The following IFNA2 variants were observed in gnomAD, a reference collection of about 807,000 sequenced individuals.
IFNA2 encodes the protein interferon alpha 2, also known as interferon alpha-2.
For synonymous variants in IFNA2, 91 were observed against 80.7 expected (o/e 1.13, Z -0.68); for missense variants, 260 against 210.3 (o/e 1.24, Z -1.46).
In IFNA2 at chr9:21,385,299, G is replaced by A. The variant is rs1288019328; in HGVS notation, c.31C>T (p.Leu11Phe). Reference sequence around the variant, plus strand: ...CTTGACTTGCAGCTGAGCACCAGGAGGGCCACCAGTAAAGCAAAGGTCAAG... The same window carrying A: ...CTTGACTTGCAGCTGAGCACCAGGAAGGCCACCAGTAAAGCAAAGGTCAAG... MALTFALLVA[L>F]LVLSCKSSCS... Residue 11 changes from leucine to phenylalanine, a missense_variant, in exon 1 of 1, where the codon CTC (leucine) becomes TTC (phenylalanine). Physicochemically the swap from Leu to Phe is conservative, Grantham distance 22. Coordinates refer to ENST00000380206, the MANE Select transcript of IFNA2 (RefSeq NM_000605.4). 1.2e-6 allele frequency: 2 copies of A among 1,613,166 alleles called. No homozygotes were observed. Among genetic ancestry groups the A allele is most frequent in the Non-Finnish European group, 1.7e-6 (2 of 1,179,586 alleles).
At position 21,384,901 on chromosome 9, in the gene IFNA2, C is replaced by T. The variant is rs781305538; in HGVS notation, c.429G>A (p.Arg143=). 18 of 1,614,024 alleles carry T rather than the reference C, an allele frequency of 1.1e-5. No homozygotes were observed. Among genetic ancestry groups the T allele is most frequent in the Non-Finnish European group, 1.5e-5 (18 of 1,179,942 alleles). Reference sequence around the variant, plus strand: ...AGAGAGTGATTCTTTGGAAGTATTTCCTCACAGCCAGAATGGAGTCCTCCT... The same window carrying T: ...AGAGAGTGATTCTTTGGAAGTATTTTCTCACAGCCAGAATGGAGTCCTCCT... ...LMKEDSILAV[R]KYFQRITLYL... is the part of the protein sequence containing the mutation. Residue 143 remains arginine (R), a synonymous_variant, in exon 1 of 1, where the codon AGG becomes AGA. Transcript: ENST00000380206.
Position 21,385,268 on chromosome 9 carries a change from G to C in IFNA2, c.62C>G (p.Ser21Cys), listed in dbSNP as rs367998127. 6.2e-7 allele frequency: 1 copy of C among 1,613,820 alleles called. No individual in the cohort carries two copies. The highest frequency in any genetic ancestry group is 1.3e-5 in the African/African-American group (1 of 74,978). Reference protein sequence around the residue: ...LLVLSCKSSCSVGCDLPQTHS... With the variant: ...LLVLSCKSSCCVGCDLPQTHS... ...GGTTTGAGGCAGATCACAGCCCACAGAGCAGCTTGACTTGCAGCTGAGCAC... is the reference window on the plus strand; with the variant it reads ...GGTTTGAGGCAGATCACAGCCCACACAGCAGCTTGACTTGCAGCTGAGCAC... The change falls in exon 1 of 1, where the codon TCT becomes TGT. Residue 21 changes from serine to cysteine, a missense_variant. Coordinates refer to ENST00000380206, the MANE Select transcript of IFNA2 (RefSeq NM_000605.4).
Position 21,384,639 on chromosome 9 carries a change from A to G in IFNA2, c.*124T>C. The G allele has an allele frequency of 1.9e-6, 2 of 1,055,282 alleles. No homozygotes were observed. The allele number at this position is 1,055,282 out of a possible 1,614,324, so 65.4% of individuals were successfully genotyped here. A position where few individuals can be genotyped will look rare whatever the true frequency, so the allele number is the denominator to read the frequency against. ...ACAATGTTGATTAATACTCCTAAAA[A>G]CATTTGAAAAGATTTAAATCGTGTC... On this transcript the variant is annotated 3_prime_UTR_variant, in exon 1 of 1. Coordinates refer to ENST00000380206, the MANE Select transcript of IFNA2 (RefSeq NM_000605.4).
At chr9:21,385,398 TG>T, upstream of IFNA2, 1 of 1,285,040 alleles carries the variant, frequency 7.8e-7, no homozygotes, top group Non-Finnish European at 1.1e-6. Flanking sequence ...CCAGGTTCTC[TG>T]AAGACCTTGC....
rs761899979 is a variant in IFNA2 at position 21,384,994 on chromosome 9, G to A, written c.336C>T (p.Tyr112=). 1.9e-6 allele frequency: 3 copies of A among 1,613,890 alleles called. No individual in the cohort carries two copies. In the South Asian group the frequency reaches 3.3e-5, roughly 18 times the overall value. Residue 112 remains tyrosine, a synonymous_variant, in exon 1 of 1, where the codon TAC becomes TAT. Transcript: ENST00000380206. Reference sequence around the variant, plus strand: ...AGGCTTCCAGGTCATTCAGCTGCTGGTAGAGTTCAGTGTAGAATTTGTCTA... The same window carrying A: ...AGGCTTCCAGGTCATTCAGCTGCTGATAGAGTTCAGTGTAGAATTTGTCTA... ...TLLDKFYTEL[Y]QQLNDLEACV... is the part of the protein sequence containing the mutation.
the IFNA2 span, chr9:21,384,874 A>T: frequency 1.2e-6 from 2 of 1,614,118 alleles, no homozygotes; most frequent in Non-Finnish European, 1.7e-6. Context: ...TCTCTTTCAG[A>T]TAGAGAGTGA....
In IFNA2 at chr9:21,384,557, G is replaced by T; in HGVS notation, c.*206C>A. ...ATAATATTTTAAAAATATTTAAATA[G>T]ATAATGGATCAGTCAGCATGGTCCT... On this transcript the variant is annotated 3_prime_UTR_variant, in exon 1 of 1. Coordinates refer to ENST00000380206, the MANE Select transcript of IFNA2 (RefSeq NM_000605.4). 4.6e-6 allele frequency: 1 copy of T among 218,836 alleles called. No homozygotes were observed. Among genetic ancestry groups the T allele is most frequent in the Non-Finnish European group, 8.8e-6 (1 of 113,342 alleles). The allele number at this position is 218,836 out of a possible 1,614,324, so 13.6% of individuals were successfully genotyped here.
At position 21,385,009 on chromosome 9, in the gene IFNA2, G is replaced by A; in HGVS notation, c.321C>T (p.Phe107=). The A allele has an allele frequency of 1.9e-6, 3 of 1,613,882 alleles. No individual in the cohort carries two copies. Among genetic ancestry groups the A allele is most frequent in the Non-Finnish European group, 2.5e-6 (3 of 1,179,918 alleles). ...TCAGCTGCTGGTAGAGTTCAGTGTA[G>A]AATTTGTCTAGGAGGGTCTCATCCC... ...AAWDETLLDK[F]YTELYQQLND... The change falls in exon 1 of 1, where the codon TTC becomes TTT. Residue 107 remains phenylalanine, a synonymous_variant. Transcript: ENST00000380206.
rs907702869 is a variant in IFNA2, at chr9:21,385,392, G to A, written c.-63C>T. ...GGTGAGCCTAAACCTTAGGCTCCAGGTTCTCTGAAGACCTTGCTTTGTGCC... is the reference window on the plus strand; with the variant it reads ...GGTGAGCCTAAACCTTAGGCTCCAGATTCTCTGAAGACCTTGCTTTGTGCC... On this transcript the variant is annotated 5_prime_UTR_variant, in exon 1 of 1. Coordinates refer to ENST00000380206, the MANE Select transcript of IFNA2 (RefSeq NM_000605.4). 2.3e-6 allele frequency: 3 copies of A among 1,329,848 alleles called. No homozygotes were observed. The highest frequency in any genetic ancestry group is 2.9e-5 in the African/African-American group (2 of 67,920). The allele number at this position is 1,329,848 out of a possible 1,614,324, so 82.4% of individuals were successfully genotyped here.
At position 21,384,784 on chromosome 9, in the gene IFNA2, T is replaced by G. The variant is rs1820857850; in HGVS notation, c.546A>C (p.Glu182Asp). ...RSFSLSTNLQ[E>D]SLRSKE ...GTTTTCATTCCTTACTTCTTAAACT[T>G]TCTTGCAAGTTTGTTGACAAAGAAA... The change falls in exon 1 of 1, where the codon GAA (glutamate) becomes GAC (aspartate). Residue 182 changes from glutamate to aspartate, a missense_variant. Glu to Asp is a conservative substitution (Grantham distance 45). Coordinates refer to ENST00000380206, the MANE Select transcript of IFNA2 (RefSeq NM_000605.4). The G allele has an allele frequency of 6.2e-7, 1 of 1,610,170 alleles. No homozygotes were observed. Among genetic ancestry groups the G allele is most frequent in the Admixed American group, 1.7e-5 (1 of 59,196 alleles).
Position 21,384,704 on chromosome 9 carries a change from C to A in IFNA2, c.*59G>T. 1 of 1,458,226 alleles carries A rather than the reference C, an allele frequency of 6.9e-7. No individual in the cohort carries two copies. The highest frequency in any genetic ancestry group is 9.3e-7 in the Non-Finnish European group (1 of 1,077,048). The allele number at this position is 1,458,226 out of a possible 1,614,324, so 90.3% of individuals were successfully genotyped here. On this transcript the variant is annotated 3_prime_UTR_variant, in exon 1 of 1. Transcript: ENST00000380206. ...AACATGAGTCTTTGAAATGGCAGAT[C>A]ATAAAAAGGTGAGCTGGCATACGAA...
rs1321896854 is a variant in IFNA2, at chr9:21,384,514, T to A, written c.*249A>T. Reference sequence around the variant, plus strand: ...ATAATATGAACAAAAATAAGTTGTTTTATAAATAGTTAAATAAATAATATT... The same window carrying A: ...ATAATATGAACAAAAATAAGTTGTTATATAAATAGTTAAATAAATAATATT... On this transcript the variant is annotated 3_prime_UTR_variant, in exon 1 of 1. Transcript: ENST00000380206. The A allele has an allele frequency of 6.2e-6, 1 of 161,156 alleles. No homozygotes were observed. The highest frequency in any genetic ancestry group is 1.3e-5 in the Non-Finnish European group (1 of 75,032). The allele number at this position is 161,156 out of a possible 1,614,324, so 10.0% of individuals were successfully genotyped here. A position where few individuals can be genotyped will look rare whatever the true frequency, so the allele number is the denominator to read the frequency against.
Position 21,385,161 on chromosome 9 carries a change from G to C in IFNA2, c.169C>G (p.His57Asp). The C allele has an allele frequency of 1.9e-6, 3 of 1,614,008 alleles. No individual in the cohort carries two copies. The highest frequency in any genetic ancestry group is 2.5e-6 in the Non-Finnish European group (3 of 1,179,980). The change falls in exon 1 of 1, where the codon CAT becomes GAT. Residue 57 changes from histidine (H) to aspartate (D), a missense_variant. Coordinates refer to ENST00000380206, the MANE Select transcript of IFNA2 (RefSeq NM_000605.4). Reference protein sequence around the residue: ...ISLFSCLKDRHDFGFPQEEFG... With the variant: ...ISLFSCLKDRDDFGFPQEEFG... Reference sequence around the variant, plus strand: ...TCCTCCTGGGGAAATCCAAAGTCATGTCTGTCCTTCAAGCAGGAGAAAAGA... The same window carrying C: ...TCCTCCTGGGGAAATCCAAAGTCATCTCTGTCCTTCAAGCAGGAGAAAAGA...
In IFNA2 at chr9:21,384,726, C is replaced by T. The variant is rs371622678; in HGVS notation, c.*37G>A. ...GATCATAAAAAGGTGAGCTGGCATA[C>T]GAATCAATGAAAATCATTTCCATGT... is the stretch of plus-strand genomic sequence containing the variant. On this transcript the variant is annotated 3_prime_UTR_variant, in exon 1 of 1. Coordinates refer to ENST00000380206, the MANE Select transcript of IFNA2 (RefSeq NM_000605.4). The T allele has an allele frequency of 3.0e-5, 46 of 1,536,398 alleles. No individual in the cohort carries two copies. Among genetic ancestry groups the T allele is most frequent in the African/African-American group, 8.3e-5 (6 of 72,286 alleles).
At position 21,384,773 on chromosome 9, in the gene IFNA2, C is replaced by T. The variant is rs1279151499; in HGVS notation, c.557G>A (p.Ser186Asn). Residue 186 changes from serine to asparagine, a missense_variant, in exon 1 of 1, where the codon AGT becomes AAT. By Grantham distance (46) the Ser-to-Asn change is conservative. Coordinates refer to ENST00000380206, the MANE Select transcript of IFNA2 (RefSeq NM_000605.4). ...LSTNLQESLR[S>N]KE ...ATGTTGAACCAGTTTTCATTCCTTACTTCTTAAACTTTCTTGCAAGTTTGT... is the reference window on the plus strand; with the variant it reads ...ATGTTGAACCAGTTTTCATTCCTTATTTCTTAAACTTTCTTGCAAGTTTGT... The T allele has an allele frequency of 6.2e-7, 1 of 1,607,426 alleles. No individual in the cohort carries two copies. The highest frequency in any genetic ancestry group is 2.2e-5 in the East Asian group (1 of 44,834).
Position 21,384,626 on chromosome 9 carries a change from A to G in IFNA2, c.*137T>C. 1 of 898,712 alleles carries G rather than the reference A, an allele frequency of 1.1e-6. No individual in the cohort carries two copies. Among genetic ancestry groups the G allele is most frequent in the Non-Finnish European group, 1.6e-6 (1 of 615,830 alleles). 55.7% of individuals were successfully genotyped at this position (898,712 alleles called of 1,614,324 possible). A position where few individuals can be genotyped will look rare whatever the true frequency, so the allele number is the denominator to read the frequency against. Reference sequence around the variant, plus strand: ...TTAAGAGCTGAATACAATGTTGATTAATACTCCTAAAAACATTTGAAAAGA... The same window carrying G: ...TTAAGAGCTGAATACAATGTTGATTGATACTCCTAAAAACATTTGAAAAGA... On this transcript the variant is annotated 3_prime_UTR_variant, in exon 1 of 1. Transcript: ENST00000380206.
chr9:21,384,745 T>G lies in IFNA2; in HGVS notation c.*18A>C, dbSNP rs1405372032. ...GGCATACGAATCAATGAAAATCATT[T>G]CCATGTTGAACCAGTTTTCATTCCT... On this transcript the variant is annotated 3_prime_UTR_variant, in exon 1 of 1. Coordinates refer to ENST00000380206, the MANE Select transcript of IFNA2 (RefSeq NM_000605.4). 21 of 1,572,174 alleles carry G rather than the reference T, an allele frequency of 1.3e-5. No individual in the cohort carries two copies. Among genetic ancestry groups the G allele is most frequent in the Non-Finnish European group, 1.8e-5 (21 of 1,159,984 alleles).
Position 21,384,266 on chromosome 9 carries a change from A to G in IFNA2, c.*497T>C, listed in dbSNP as rs545441403. The G allele has an allele frequency of 4.6e-5, 7 of 152,414 alleles. No homozygotes were observed. Among genetic ancestry groups the G allele is most frequent in the Admixed American group, 2.6e-4 (4 of 15,292 alleles). The allele number at this position is 152,414 out of a possible 1,614,324, so 9.4% of individuals were successfully genotyped here. A position where few individuals can be genotyped will look rare whatever the true frequency, so the allele number is the denominator to read the frequency against. On this transcript the variant is annotated 3_prime_UTR_variant, in exon 1 of 1. Coordinates refer to ENST00000380206, the MANE Select transcript of IFNA2 (RefSeq NM_000605.4). ...TACAACATACAACCTGGTTTACAGA[A>G]AGTTTATTTTTACTTATATCTTGAA... is the stretch of plus-strand genomic sequence containing the variant.
In IFNA2 at chr9:21,384,963, T is replaced by C. The variant is rs528131696; in HGVS notation, c.367A>G (p.Ile123Val). ...QQLNDLEACV[I>V]QGVGVTETPL... ...GTCTCTGTCACCCCCACCCCCTGTA[T>C]CACACAGGCTTCCAGGTCATTCAGC... The change falls in exon 1 of 1, where the codon ATA (isoleucine) becomes GTA (valine). Residue 123 changes from isoleucine (I) to valine (V), a missense_variant. Coordinates refer to ENST00000380206, the MANE Select transcript of IFNA2 (RefSeq NM_000605.4). The C allele has an allele frequency of 3.7e-6, 6 of 1,613,940 alleles. No homozygotes were observed. The highest frequency in any genetic ancestry group is 1.1e-5 in the South Asian group (1 of 91,070).
Sources: allele counts gnomAD v4.1 joint callset, GRCh38; gene constraint gnomAD v4.1.1; transcripts MANE v1.5; gene names NCBI Gene and HGNC (gene_info 2026-07-23, HGNC 2026-07-21).